Variants in KCNIP1 observed in about 807,000 individuals in gnomAD.
KCNIP1 encodes the protein potassium voltage-gated channel interacting protein 1.
A neutral mutation model predicts 33.0 loss-of-function variants in KCNIP1; 18 were observed. That is an observed-to-expected ratio of 0.55 (90% CI 0.38 to 0.81). The LOEUF is 0.81. Among genes scored for constraint, KCNIP1 ranks in the 30% least tolerant of loss-of-function variants. The pLI, the probability that KCNIP1 is intolerant of heterozygous loss-of-function variation, is 0.00. For missense variants in KCNIP1, 238 were observed against 271.6 expected (o/e 0.88, Z 0.87); for synonymous variants, 93 against 98.3 (o/e 0.95, Z 0.32).
At chr5:170,536,641 C>T (rs1755994903) in intron 1 of KCNIP1, among the ~76,000 whole-genome samples, 1 of 152,332 alleles carries the variant, frequency 6.6e-6, no homozygotes, top group African/African-American at 2.4e-5. Context: ...AGTCCTCCCA[C>T]TCTGCCCCCA....
intron 1 of KCNIP1, among the ~76,000 whole-genome samples, chr5:170,484,687 C>G (rs1018619057): frequency 4.0e-5 from 6 of 151,070 alleles, no homozygotes; most frequent in African/African-American, 1.5e-4. Context: ...CCTTCTCTCT[C>G]TCCTCCCTCT....
intron 1 of KCNIP1, among the ~76,000 whole-genome samples, chr5:170,360,099 TCTTCATCAGC>T (rs1328202295): frequency 1.2e-4 from 18 of 152,132 alleles, no homozygotes; most frequent in African/African-American, 4.3e-4. Context: ...TCTAGTCAGG[TCTTCATCAGC>T]CTTCTAAGTC....
At chr5:170,534,050 T>C (rs1296580964) in intron 1 of KCNIP1, among the ~76,000 whole-genome samples, 1 of 152,210 alleles carries the variant, frequency 6.6e-6, no homozygotes, top group African/African-American at 2.4e-5. Flanking sequence ...GAAAAACATA[T>C]GCACATTTAA....
intron 1 of KCNIP1, among the ~76,000 whole-genome samples, chr5:170,637,289 G>C (rs761317887): frequency 3.3e-5 from 5 of 151,926 alleles, no homozygotes; most frequent in Admixed American, 6.6e-5. Flanking sequence ...GTCTGGCCAG[G>C]CTTTCTCACT....
intron 1 of KCNIP1, among the ~76,000 whole-genome samples, chr5:170,668,604 G>A (rs1213254797): frequency 6.6e-6 from 1 of 152,240 alleles, no homozygotes; most frequent in African/African-American, 2.4e-5. Flanking sequence ...AGTACAGACG[G>A]CATGCTTGGC....
intron 1 of KCNIP1, among the ~76,000 whole-genome samples, chr5:170,469,200 G>A (rs1351689226): frequency 2.6e-5 from 4 of 152,120 alleles, no homozygotes; most frequent in African/African-American, 9.7e-5. Flanking sequence ...TTCAAGATCA[G>A]CCTGGGCAAC....
chr5:170,405,002 A>G (rs1313588575), intron 1 of KCNIP1, among the ~76,000 whole-genome samples: 2 of 152,244 alleles, frequency 1.3e-5, no homozygotes, highest in African/African-American at 2.4e-5. Context: ...TGCATGGAAC[A>G]TCTTGATGCA....
intron 1 of KCNIP1, among the ~76,000 whole-genome samples, chr5:170,558,955 G>A (rs759318376): frequency 6.6e-6 from 1 of 152,122 alleles, no homozygotes; most frequent in Non-Finnish European, 1.5e-5. Context: ...TTCTTCACCT[G>A]TGAAATAAGA....
rs537122977 is a variant in KCNIP1, at chr5:170,703,891, G to A, written c.62-14867G>A. Among the ~76,000 whole-genome samples the A allele has an allele frequency of 1.1e-3, 156 of 137,498 alleles. 22 individuals are homozygous for A. Among genetic ancestry groups the A allele is most frequent in the Non-Finnish European group, 2.0e-3 (128 of 65,502 alleles). The allele number at this position is 137,498 out of a possible 152,430, so 90.2% of individuals were successfully genotyped here. On this transcript the variant is annotated intron_variant, in intron 1 of 7. Transcript: ENST00000328939. ...GACATCACAGAGGGAGTGAGATACC[G>A]AAAACAAAAATAAAACAAAAATAAG...
intron 1 of KCNIP1, among the ~76,000 whole-genome samples, chr5:170,648,757 C>T (rs1760894110): frequency 6.6e-6 from 1 of 152,220 alleles, no homozygotes; most frequent in South Asian, 2.1e-4. Context: ...ACTATGGACT[C>T]TGGGTGATAG....
chr5:170,511,220 A>G (rs1195391936), intron 1 of KCNIP1, among the ~76,000 whole-genome samples: 2 of 152,226 alleles, frequency 1.3e-5, no homozygotes, highest in Non-Finnish European at 2.9e-5. Context: ...AAAAAAATAA[A>G]AATTAAAAAA....
At chr5:170,512,324 G>A (rs1333161539) in intron 1 of KCNIP1, among the ~76,000 whole-genome samples, 1 of 152,158 alleles carries the variant, frequency 6.6e-6, no homozygotes, top group East Asian at 1.9e-4. Flanking sequence ...TTTACAAGTG[G>A]TTATCACTGC....
At chr5:170,570,565 A>G (rs1757370061) in intron 1 of KCNIP1, among the ~76,000 whole-genome samples, 1 of 152,230 alleles carries the variant, frequency 6.6e-6, no homozygotes, top group Admixed American at 6.5e-5. Flanking sequence ...AAATATTAAA[A>G]GCTGTGAAAT....
chr5:170,390,517 A>AT lies in KCNIP1; in HGVS notation c.88+36553_88+36554insT, dbSNP rs1554088941. On this transcript the variant is annotated intron_variant, in intron 1 of 7. Transcript: ENST00000377360. ...GACCCCGTCTCAAAAAAAAAAAACAAATATATATATATATATATATATTTT... is the reference window on the plus strand; with the variant it reads ...GACCCCGTCTCAAAAAAAAAAAACAATATATATATATATATATATATATTTT... Among the ~76,000 whole-genome samples the AT allele has an allele frequency of 5.3e-3, 393 of 74,526 alleles. 32 individuals are homozygous for AT. The highest frequency in any genetic ancestry group is 0.015 in the African/African-American group (234 of 15,614). The allele number at this position is 74,526 out of a possible 152,430, so 48.9% of individuals were successfully genotyped here.
chr5:170,640,405 A>G (rs1308105703), intron 1 of KCNIP1, among the ~76,000 whole-genome samples: 1 of 152,180 alleles, frequency 6.6e-6, no homozygotes, highest in Non-Finnish European at 1.5e-5. Flanking sequence ...AAATCTCACA[A>G]GTTTGCACCT....
intron 1 of KCNIP1, among the ~76,000 whole-genome samples, chr5:170,552,822 TAGG>T (rs1025823918): frequency 2.0e-5 from 3 of 152,146 alleles, no homozygotes; most frequent in African/African-American, 7.2e-5. Flanking sequence ...GCAGGAACTG[TAGG>T]AGGAGATAGC....
chr5:170,364,198 G>A (rs148095072), intron 1 of KCNIP1, among the ~76,000 whole-genome samples: 2 of 151,710 alleles, frequency 1.3e-5, no homozygotes, highest in Admixed American at 6.6e-5. Flanking sequence ...TAGAGATGAG[G>A]TTTCTCCATG....
At chr5:170,621,757 C>T (rs181887249) in intron 1 of KCNIP1, among the ~76,000 whole-genome samples, 1 of 152,188 alleles carries the variant, frequency 6.6e-6, no homozygotes, top group African/African-American at 2.4e-5. Flanking sequence ...GATCCTCCCG[C>T]CTTGGACTCC....
intron 1 of KCNIP1, among the ~76,000 whole-genome samples, chr5:170,665,244 G>A (rs1400808339): frequency 1.3e-5 from 2 of 152,162 alleles, no homozygotes; most frequent in African/African-American, 4.8e-5. Flanking sequence ...ACTGCCATGA[G>A]GCCCCTGTGG....
Sources: allele counts gnomAD v4.1 joint callset (sites outside exome capture counted in the v4.1 genomes callset), GRCh38; gene constraint gnomAD v4.1.1; transcripts MANE v1.5; gene names NCBI Gene and HGNC (gene_info 2026-07-23, HGNC 2026-07-21).